ADGRL3: variants seen among roughly 807,000 people sequenced by gnomAD.
ADGRL3 encodes the protein calcium-independent alpha-latrotoxin receptor 3.
In ADGRL3, 62 loss-of-function variants were observed where a neutral mutation model predicts 153.5. That is an observed-to-expected ratio of 0.40 (90% CI 0.33 to 0.50). ADGRL3 has a LOEUF of 0.50. ADGRL3 is among the 20% of genes least tolerant of loss of function. The probability of loss-of-function intolerance (pLI) is 0.47; values close to 1 mark genes in which losing one functional copy is unlikely to be tolerated. For synonymous variants in ADGRL3, 710 were observed against 672.5 expected (o/e 1.06, Z -0.86); for missense variants, 1,641 against 1,859.4 (o/e 0.88, Z 2.16).
chr4:61,959,373 T>C (rs904997907), intron 17 of ADGRL3, among the ~76,000 whole-genome samples: 2 of 152,210 alleles, frequency 1.3e-5, no homozygotes, highest in Admixed American at 6.5e-5. Flanking sequence ...GCCTACTCTC[T>C]CCTGTCAATT....
chr4:61,554,443 G>A (rs910689252), intron 4 of ADGRL3, among the ~76,000 whole-genome samples: 7 of 151,960 alleles, frequency 4.6e-5, no homozygotes, highest in South Asian at 2.1e-4. Flanking sequence ...TGATCCACCC[G>A]CCTCGGCCTC....
chr4:61,394,489 C>G (rs1003903533), intron 2 of ADGRL3, among the ~76,000 whole-genome samples: 9 of 152,044 alleles, frequency 5.9e-5, no homozygotes, highest in African/African-American at 2.2e-4. Context: ...TTTACACAAA[C>G]CATTGAAATA....
At chr4:61,763,520 G>A (rs1175054683) in intron 8 of ADGRL3, among the ~76,000 whole-genome samples, 3 of 152,084 alleles carry the variant, frequency 2.0e-5, no homozygotes, top group African/African-American at 7.2e-5. Context: ...TCAGTATTCT[G>A]TAGCTGAGTG....
chr4:61,950,577 T>G (rs537354764), intron 17 of ADGRL3, among the ~76,000 whole-genome samples: 1 of 152,226 alleles, frequency 6.6e-6, no homozygotes, highest in East Asian at 1.9e-4. Flanking sequence ...ATATCTAAAT[T>G]TAAGATTTGA....
chr4:61,551,957 C>G (rs2098742337), intron 4 of ADGRL3, among the ~76,000 whole-genome samples: 1 of 152,088 alleles, frequency 6.6e-6, no homozygotes, highest in Non-Finnish European at 1.5e-5. Context: ...TAATTACATA[C>G]TGCAACTTTG....
chr4:62,057,135 T>G (rs2151821755), intron 25 of ADGRL3, among the ~76,000 whole-genome samples: 1 of 152,250 alleles, frequency 6.6e-6, no homozygotes, highest in Admixed American at 6.5e-5. Flanking sequence ...TGAATTATGT[T>G]TCTGAATGAT....
intron 19 of ADGRL3, 131 bp from the exon 20 acceptor site, chr4:61,996,160 A>G (rs758742289): frequency 6.3e-6 from 4 of 635,594 alleles, no homozygotes; most frequent in African/African-American, 1.8e-5. Context: ...TAAATGAACA[A>G]GCAATGTAAT....
At chr4:61,353,303 A>T (rs2096089968) in intron 1 of ADGRL3, among the ~76,000 whole-genome samples, 1 of 152,136 alleles carries the variant, frequency 6.6e-6, no homozygotes, top group African/African-American at 2.4e-5. Context: ...TATTCACTTT[A>T]TTGTGAATAT....
intron 2 of ADGRL3, among the ~76,000 whole-genome samples, chr4:61,432,973 TA>T (rs1038200421): frequency 2.6e-5 from 4 of 152,082 alleles, no homozygotes; most frequent in African/African-American, 9.7e-5. Flanking sequence ...ATTTCTATTT[TA>T]ACATTAAAAC....
rs542159958 is a variant in ADGRL3 at position 61,540,166 on chromosome 4, G to A, written c.259+22648G>A. ...AAATAACTCGTCCAAAGTCATATCA[G>A]GCTAAATATTTCAGCTCAGGGAATC... On this transcript the variant is annotated intron_variant, in intron 4 of 26. Transcript: ENST00000683033. 3.3e-5 allele frequency among the ~76,000 whole-genome samples: 5 copies of A among 152,180 alleles called. No homozygotes were observed. The South Asian group carries it at 1.0e-3, about 32-fold the overall frequency.
At chr4:61,745,819 A>C (rs942339390) in intron 8 of ADGRL3, among the ~76,000 whole-genome samples, 7 of 152,174 alleles carry the variant, frequency 4.6e-5, no homozygotes, top group Non-Finnish European at 7.3e-5. Context: ...CAAAATAACC[A>C]GCTAACATCA....
intron 8 of ADGRL3, among the ~76,000 whole-genome samples, chr4:61,765,753 T>C (rs1580714152): frequency 6.6e-6 from 1 of 152,146 alleles, no homozygotes; most frequent in African/African-American, 2.4e-5. Flanking sequence ...ATTTTAGTTA[T>C]CTGACTAAGG....
intron 1 of ADGRL3, among the ~76,000 whole-genome samples, chr4:61,216,334 G>T (rs749247999): frequency 6.6e-6 from 1 of 151,874 alleles, no homozygotes; most frequent in Non-Finnish European, 1.5e-5. Context: ...CCTAATAAAT[G>T]ATTTTAGGAT....
intron 1 of ADGRL3, among the ~76,000 whole-genome samples, chr4:61,336,623 C>T (rs1374924671): frequency 2.6e-5 from 4 of 151,902 alleles, no homozygotes; most frequent in Non-Finnish European, 4.4e-5. Context: ...GCTCATTACG[C>T]CTTTCAGTTT....
chr4:62,058,080 G>A (rs183955098), intron 25 of ADGRL3, among the ~76,000 whole-genome samples: 6 of 152,270 alleles, frequency 3.9e-5, no homozygotes, highest in East Asian at 1.9e-4. Context: ...TGACCAGACC[G>A]TAGCCAGGAG....
chr4:61,995,929 A>G (rs574969840), intron 19 of ADGRL3, among the ~76,000 whole-genome samples: 9 of 152,320 alleles, frequency 5.9e-5, no homozygotes, highest in African/African-American at 2.2e-4. Context: ...CAGGTTATGT[A>G]GCACCATAAT....
intron 17 of ADGRL3, among the ~76,000 whole-genome samples, chr4:61,975,122 C>G (rs1168637642): frequency 6.6e-6 from 1 of 151,492 alleles, no homozygotes; most frequent in Non-Finnish European, 1.5e-5. Flanking sequence ...AGGGAGGGCA[C>G]AGAAAATAAG....
At chr4:61,643,324 T>C (rs1057067970) in intron 5 of ADGRL3, among the ~76,000 whole-genome samples, 1 of 151,990 alleles carries the variant, frequency 6.6e-6, no homozygotes, top group Non-Finnish European at 1.5e-5. Flanking sequence ...TCCAACACTA[T>C]GTTGAGTAGG....
intron 1 of ADGRL3, among the ~76,000 whole-genome samples, chr4:61,258,964 T>C (rs2092266616): frequency 6.6e-6 from 1 of 152,186 alleles, no homozygotes. Context: ...ATTTGGACTT[T>C]CCTCTATCTT....
Sources: allele counts gnomAD v4.1 joint callset (sites outside exome capture counted in the v4.1 genomes callset), GRCh38; gene constraint gnomAD v4.1.1; transcripts MANE v1.5; gene names NCBI Gene and HGNC (gene_info 2026-07-23, HGNC 2026-07-21).